Variants in PSEN1 observed in about 807,000 individuals in gnomAD.
PSEN1 encodes presenilin 1.
In PSEN1, 15 loss-of-function variants were observed where a neutral mutation model predicts 53.5. That is an observed-to-expected ratio of 0.28 (90% CI 0.19 to 0.43). The LOEUF is 0.43. Among genes scored for constraint, PSEN1 ranks in the 20% least tolerant of loss-of-function variants. The pLI is 1.00. For synonymous variants in PSEN1, 208 were observed against 209.8 expected (o/e 0.99, Z 0.08); for missense variants, 387 against 571.2 (o/e 0.68, Z 3.29).
intron 5 of PSEN1, among the ~76,000 whole-genome samples, chr14:73,178,684 C>A (rs1259284298): frequency 2.0e-5 from 3 of 152,024 alleles, no homozygotes; most frequent in Admixed American, 2.0e-4. Context: ...ATTTTTAGTT[C>A]TAAAATTCCT....
At chr14:73,146,714 G>A (rs753522012) in intron 1 of PSEN1, among the ~76,000 whole-genome samples, 1 of 152,120 alleles carries the variant, frequency 6.6e-6, no homozygotes, top group Non-Finnish European at 1.5e-5. Context: ...AAAAAAAATG[G>A]AATATTTAGA....
At chr14:73,137,379 G>A (rs1282908473) in intron 1 of PSEN1, among the ~76,000 whole-genome samples, 1 of 152,182 alleles carries the variant, frequency 6.6e-6, no homozygotes, top group East Asian at 1.9e-4. Context: ...CAGAAATAAG[G>A]AAGTTAGGAA....
chr14:73,218,151 A>G (rs1415069708), intron 11 of PSEN1, among the ~76,000 whole-genome samples: 3 of 134,254 alleles, frequency 2.2e-5, no homozygotes, highest in Non-Finnish European at 3.1e-5. Context: ...GAGTGCAGTG[A>G]CATTAGCTCA....
chr14:73,158,798 T>A (rs999569551), intron 3 of PSEN1, among the ~76,000 whole-genome samples: 7 of 152,194 alleles, frequency 4.6e-5, no homozygotes, highest in African/African-American at 1.4e-4. Context: ...CAAAGAACTT[T>A]CCAAACTGGT....
intron 10 of PSEN1, 146 bp downstream of exon 10, chr14:73,212,088 C>CCTTTT (rs1899715269): frequency 1.5e-5 from 1 of 66,914 alleles, no homozygotes; most frequent in Non-Finnish European, 2.8e-5. Flanking sequence ...AGTAATAGTG[C>CCTTTT]TTTTTTTTTT....
chr14:73,154,268 T>A (rs1897300420), intron 3 of PSEN1, among the ~76,000 whole-genome samples: 1 of 152,112 alleles, frequency 6.6e-6, no homozygotes, highest in African/African-American at 2.4e-5. Context: ...CTTTATAAAA[T>A]TACCTAAATT....
At chr14:73,206,593 C>A in intron 9 of PSEN1, 121 bp downstream of exon 9, 1 of 729,156 alleles carries the variant, frequency 1.4e-6, no homozygotes. Flanking sequence ...CTCTTGAGAA[C>A]TATGATAATG....
intron 4 of PSEN1, among the ~76,000 whole-genome samples, chr14:73,171,348 T>G (rs1241339408): frequency 6.6e-6 from 1 of 152,266 alleles, no homozygotes; most frequent in East Asian, 1.9e-4. Context: ...ATTGCTCTTC[T>G]GCCTAGAATA....
At chr14:73,202,850 A>G (rs1298188175) in intron 8 of PSEN1, among the ~76,000 whole-genome samples, 2 of 152,102 alleles carry the variant, frequency 1.3e-5, no homozygotes, top group East Asian at 3.9e-4. Context: ...AATGATACAG[A>G]TGATTTGCAT....
At chr14:73,217,751 G>C (rs1344780521) in intron 11 of PSEN1, among the ~76,000 whole-genome samples, 5 of 151,570 alleles carry the variant, frequency 3.3e-5, no homozygotes, top group African/African-American at 1.2e-4. Context: ...CATAGATCTT[G>C]CTGATAGTGC....
chr14:73,169,182 AAC>A (rs1897813121), intron 3 of PSEN1: 1 of 152,216 alleles, frequency 6.6e-6, no homozygotes, highest in Non-Finnish European at 1.5e-5. Flanking sequence ...GACTGTTGAT[AAC>A]ACCTCTGATT....
Position 73,208,714 on chromosome 14 carries a change from C to T in PSEN1, c.955+2242C>T, listed in dbSNP as rs1408317222. 8 of 392,858 alleles carry T rather than the reference C, an allele frequency of 2.0e-5. No individual in the cohort carries two copies. The East Asian group carries it at 3.7e-4, about 18-fold the overall frequency. The allele number at this position is 392,858 out of a possible 1,614,324, so 24.3% of individuals were successfully genotyped here. A position where few individuals can be genotyped will look rare whatever the true frequency, so the allele number is the denominator to read the frequency against. ...TGGCCATGAGCAGGCCCAGAAAATGCACCATAAGTTCTCACTGTGGTCTGT... is the reference window on the plus strand; with the variant it reads ...TGGCCATGAGCAGGCCCAGAAAATGTACCATAAGTTCTCACTGTGGTCTGT... On this transcript the variant is annotated intron_variant, in intron 9 of 11. Coordinates refer to ENST00000324501, the MANE Select transcript of PSEN1 (RefSeq NM_000021.4).
intron 11 of PSEN1, among the ~76,000 whole-genome samples, chr14:73,217,746 A>T (rs1158144746): frequency 6.6e-6 from 1 of 151,598 alleles, no homozygotes; most frequent in Non-Finnish European, 1.5e-5. Flanking sequence ...CCCCACATAG[A>T]TCTTGCTGAT....
At chr14:73,150,939 G>A (rs1337789823) in intron 3 of PSEN1, among the ~76,000 whole-genome samples, 3 of 151,952 alleles carry the variant, frequency 2.0e-5, no homozygotes, top group Admixed American at 1.3e-4. Context: ...GTGGTGACAC[G>A]CGCCTGTAGT....
In PSEN1 at chr14:73,182,371, C is replaced by A. The variant is rs371540312; in HGVS notation, c.481-4482C>A. 3.2e-4 allele frequency among the ~76,000 whole-genome samples: 48 copies of A among 151,946 alleles called. 1 individual carries two copies. The South Asian group carries it at 9.4e-3, about 30-fold the overall frequency. ...AGCCAGGCATGGTGGTGTACCCACGCCTATAGTCCTAGGTACTAGGGAGGC... is the reference window on the plus strand; with the variant it reads ...AGCCAGGCATGGTGGTGTACCCACGACTATAGTCCTAGGTACTAGGGAGGC... On this transcript the variant is annotated intron_variant, in intron 5 of 11. Transcript: ENST00000324501.
At chr14:73,164,786 TGTA>T (rs1302440538) in intron 3 of PSEN1, among the ~76,000 whole-genome samples, 2 of 152,224 alleles carry the variant, frequency 1.3e-5, no homozygotes, top group African/African-American at 4.8e-5. Flanking sequence ...ACCCATAAAA[TGTA>T]GTGATTCAGC....
chr14:73,187,174 A>G (rs1266778682), intron 6 of PSEN1, among the ~76,000 whole-genome samples: 5 of 152,254 alleles, frequency 3.3e-5, no homozygotes, highest in African/African-American at 9.6e-5. Context: ...TGAAGATTAT[A>G]TAGTCTTCTA....
At chr14:73,138,688 C>A (rs1288510342) in intron 1 of PSEN1, among the ~76,000 whole-genome samples, 1 of 151,174 alleles carries the variant, frequency 6.6e-6, no homozygotes, top group African/African-American at 2.4e-5. Flanking sequence ...AGGCCGAGCG[C>A]GGTGGCTCAC....
intron 1 of PSEN1, among the ~76,000 whole-genome samples, chr14:73,144,602 G>C (rs1594959985): frequency 6.6e-6 from 1 of 152,176 alleles, no homozygotes. Context: ...TCACTTGCCA[G>C]ATGTGACCTT....
Sources: allele counts gnomAD v4.1 joint callset (sites outside exome capture counted in the v4.1 genomes callset), GRCh38; gene constraint gnomAD v4.1.1; transcripts MANE v1.5; gene names NCBI Gene and HGNC (gene_info 2026-07-23, HGNC 2026-07-21).